The following PTOV1 variants were observed in gnomAD, a reference collection of about 807,000 sequenced individuals.
PTOV1 encodes the protein prostate tumor-overexpressed gene 1 protein.
A neutral mutation model predicts 58.0 loss-of-function variants in PTOV1; 20 were observed. The ratio of observed to expected loss-of-function variants is 0.34; its 90% confidence interval spans 0.24 to 0.50. The LOEUF (loss-of-function observed/expected upper bound fraction) is 0.50, where lower values mean the gene tolerates loss of function less well. Among genes scored for constraint, PTOV1 ranks in the 20% least tolerant of loss-of-function variants. The probability of loss-of-function intolerance (pLI) is 0.98; values close to 1 mark genes in which losing one functional copy is unlikely to be tolerated. For missense variants in PTOV1, 593 were observed against 565.4 expected, an observed-to-expected ratio of 1.05 and a Z score of -0.50; for synonymous variants, 335 against 234.2, an observed-to-expected ratio of 1.43 and a Z score of -3.93.
At chr19:49,857,093 T>C in exon 6 of PTOV1, 1 of 1,614,036 alleles carries the variant, frequency 6.2e-7, no homozygotes, top group African/African-American at 1.3e-5. Flanking sequence ...AGCGGCTTCG[T>C]CAGTGCCATC....
At chr19:49,858,843 C>A in intron 10 of PTOV1, 190 bp downstream of exon 10, 1 of 559,454 alleles carries the variant, frequency 1.8e-6, no homozygotes, top group Admixed American at 2.9e-5. Flanking sequence ...GGGCACTGAC[C>A]CTGGTTCTGC....
intron 9 of PTOV1, 65 bp downstream of exon 9, chr19:49,858,179 G>A: frequency 1.3e-6 from 2 of 1,564,630 alleles, no homozygotes; most frequent in East Asian, 2.3e-5. Flanking sequence ...CGGGGCTGGG[G>A]GCAAGAGCGC....
At chr19:49,858,753 C>T (rs2122260799) in intron 10 of PTOV1, 100 bp downstream of exon 10, 1 of 1,010,760 alleles carries the variant, frequency 9.9e-7, no homozygotes, top group Non-Finnish European at 1.5e-6. Flanking sequence ...AGCACCATGT[C>T]CCAGACCAGC....
At chr19:49,851,535 GCCCCGCCCC>G in intron 1 of PTOV1, 36 bp downstream of exon 1, 1 of 1,135,350 alleles carries the variant, frequency 8.8e-7, no homozygotes, top group Non-Finnish European at 1.1e-6. Flanking sequence ...GCCTTCCACG[GCCCCGCCCC>G]CCCAGCCCCT....
At chr19:49,853,995 G>A (rs915595741) in intron 1 of PTOV1, among the ~76,000 whole-genome samples, 5 of 152,240 alleles carry the variant, frequency 3.3e-5, no homozygotes, top group African/African-American at 1.2e-4. Context: ...CACAGCGCAA[G>A]CCGGCTTGTG....
rs748872444 is a variant in PTOV1, at chr19:49,854,564, G to A, written c.309+21G>A. On this transcript the variant is annotated intron_variant, in intron 2 of 11. Transcript: ENST00000391842. ...AGGAGGTGAGTCTCTGTGGGGCTGC[G>A]GCTGGCCTCCAGGGTCTTGTCTTGT... 17 of 1,612,406 alleles carry A rather than the reference G, an allele frequency of 1.1e-5. No homozygotes were observed. In the South Asian group the frequency reaches 1.2e-4, roughly 11 times the overall value.
chr19:49,858,172 GGCT>G, intron 9 of PTOV1, 58 bp downstream of exon 9: 1 of 1,584,110 alleles, frequency 6.3e-7, no homozygotes, highest in Non-Finnish European at 8.6e-7. Context: ...CAGAGGGCGG[GGCT>G]GGGGGCAAGA....
intron 1 of PTOV1, chr19:49,852,061 T>C (rs2074274966): frequency 1.0e-6 from 1 of 985,346 alleles, no homozygotes; most frequent in Non-Finnish European, 1.2e-6. Context: ...AACATTCAGC[T>C]TCGCAGGTAC....
chr19:49,858,410 C>T lies in PTOV1; in HGVS notation c.937-139C>T, dbSNP rs910370284. 8.3e-5 allele frequency: 60 copies of T among 727,088 alleles called. 1 individual carries two copies. Among genetic ancestry groups the T allele is most frequent in the Admixed American group, 7.1e-4 (30 of 42,246 alleles). The allele number at this position is 727,088 out of a possible 1,614,324, so 45.0% of individuals were successfully genotyped here. On this transcript the variant is annotated intron_variant, in intron 9 of 11. Transcript: ENST00000391842. The stretch of plus-strand genomic sequence containing the variant: ...GCACTCCAGGGTTGGGCTGGTTGAG[C>T]GGTGGAGATGACGTTTCCTGAGGTA...
At chr19:49,854,926 C>A (rs2278836) in intron 4 of PTOV1, 38 bp downstream of exon 4, 478,777 of 1,595,942 alleles carry the variant, frequency 0.3, 72,789 homozygotes, top group Middle Eastern at 0.39. Flanking sequence ...ACTCTGAGCA[C>A]CCCCATGCCT....
At chr19:49,855,155 C>T (rs1252312301) in intron 5 of PTOV1, 78 bp downstream of exon 5, 6 of 1,381,622 alleles carry the variant, frequency 4.3e-6, no homozygotes, top group Middle Eastern at 1.9e-4. Flanking sequence ...ACAGTCCAGG[C>T]GGGGGTCGGG....
chr19:49,856,702 G>T (rs1297145549), intron 5 of PTOV1: 1 of 431,718 alleles, frequency 2.3e-6, no homozygotes, highest in African/African-American at 2.0e-5. Context: ...GCGGCAGGGG[G>T]TGATGTGGGT....
At chr19:49,859,080 C>T (rs1014622814) in intron 10 of PTOV1, 13 of 158,874 alleles carry the variant, frequency 8.2e-5, no homozygotes, top group East Asian at 5.4e-4. Context: ...TTCTCTCTCT[C>T]GGGCTCAGTT....
exon 12 of PTOV1, chr19:49,860,357 G>C: frequency 1.1e-6 from 1 of 875,678 alleles, no homozygotes; most frequent in Non-Finnish European, 1.7e-6. Flanking sequence ...ACCCTGTCAT[G>C]TACAGGAGGG....
At chr19:49,851,231 C>T in exon 1 of PTOV1, 8 of 1,142,094 alleles carry the variant, frequency 7.0e-6, no homozygotes, top group Non-Finnish European at 6.4e-6. Flanking sequence ...CCGTCTCCCC[C>T]GAAGCCGCGC....
chr19:49,854,468 C>T (rs545720828), exon 2 of PTOV1: 14 of 1,612,584 alleles, frequency 8.7e-6, no homozygotes, highest in Admixed American at 1.7e-5. Context: ...GGCTCACCCT[C>T]GGGGGTCTGG....
At chr19:49,859,892 G>T (rs1431042600) in intron 10 of PTOV1, 94 bp from the exon 11 acceptor site, 2 of 1,365,978 alleles carry the variant, frequency 1.5e-6, no homozygotes, top group Admixed American at 1.7e-5. Context: ...GTTAGGCTGT[G>T]CCTGGCTCAT....
chr19:49,854,893 G>GTGC lies in PTOV1; in HGVS notation c.450+5_450+6insTGC. On this transcript the variant is annotated splice_donor_region_variant and intron_variant, in intron 4 of 11. Transcript: ENST00000391842. ...CTGATCCCTCAGCAGCTGCTGGTGA[G>GTGC]ACCCGCCCCTCCCACCCCATCCACT... 7 of 1,603,516 alleles carry GTGC rather than the reference G, an allele frequency of 4.4e-6. No homozygotes were observed. The highest frequency in any genetic ancestry group is 1.1e-5 in the South Asian group (1 of 90,500).
chr19:49,851,392 C>G, exon 1 of PTOV1: 2 of 1,176,560 alleles, frequency 1.7e-6, no homozygotes, highest in Non-Finnish European at 2.1e-6. Flanking sequence ...GGGTCGCGGC[C>G]GCCCTCCGCG....
Sources: gnomAD v4.1 joint callset for allele counts (sites outside exome capture counted in the v4.1 genomes callset) on GRCh38, gnomAD v4.1.1 for gene constraint, MANE v1.5 for transcripts, NCBI Gene and HGNC (gene_info 2026-07-23, HGNC 2026-07-21) for gene names.